The following IARS2 variants were observed in gnomAD, a reference collection of about 807,000 sequenced individuals.
The protein encoded by IARS2 is isoleucine--tRNA ligase, mitochondrial.
Under a neutral mutation model 126.3 loss-of-function variants are expected in IARS2, and 56 were observed. The observed-to-expected ratio is 0.44, with a 90% CI of 0.36 to 0.55. IARS2 has a LOEUF of 0.55. Among genes scored for constraint, IARS2 ranks in the 20% least tolerant of loss-of-function variants. The probability of loss-of-function intolerance (pLI) is 0.00; values close to 1 mark genes in which losing one functional copy is unlikely to be tolerated. For synonymous variants in IARS2, 407 were observed against 441.1 expected (o/e 0.92, Z 0.97); for missense variants, 1,127 against 1,245.9 (o/e 0.90, Z 1.44).
Position 220,148,038 on chromosome 1 carries a change from A to G in IARS2, c.*403A>G. The stretch of plus-strand genomic sequence containing the variant: ...ACTGAAAATAAAGGCATTCTGGAAA[A>G]ATACTGACTGATTTTGGTGCAGAAG... On this transcript the variant is annotated 3_prime_UTR_variant, in exon 23 of 23. Transcript: ENST00000366922. 1 of 370,104 alleles carries G rather than the reference A, an allele frequency of 2.7e-6. No individual in the cohort carries two copies. The highest frequency in any genetic ancestry group is 1.5e-4 in the South Asian group (1 of 6,810). The allele number at this position is 370,104 out of a possible 1,614,324, so 22.9% of individuals were successfully genotyped here.
intron 14 of IARS2, among the ~76,000 whole-genome samples, chr1:220,129,979 T>A (rs1375057971): frequency 6.6e-6 from 1 of 152,212 alleles, no homozygotes; most frequent in Non-Finnish European, 1.5e-5. Context: ...CCACCAACAG[T>A]GTATAATAGT....
intron 2 of IARS2, among the ~76,000 whole-genome samples, chr1:220,098,654 A>C (rs1484204049): frequency 6.6e-6 from 1 of 152,208 alleles, no homozygotes; most frequent in Non-Finnish European, 1.5e-5. Context: ...CAATGCATGA[A>C]TATTAGAAAA....
rs781418667 is a variant in IARS2, at chr1:220,147,488, T to A, written c.2897-5T>A. 23 of 1,613,728 alleles carry A rather than the reference T, an allele frequency of 1.4e-5. No homozygotes were observed. Among genetic ancestry groups the A allele is most frequent in the Non-Finnish European group, 1.9e-5 (22 of 1,179,736 alleles). On this transcript the variant is annotated splice_region_variant and splice_polypyrimidine_tract_variant and intron_variant, in intron 22 of 22. Transcript: ENST00000366922. ...CAGAAATACTCTTCATGTATTTTTT[T>A]ATAGGTGGTGATATTCGTGAAGAGT...
chr1:220,134,575 A>G, intron 15 of IARS2, 65 bp downstream of exon 15: 7 of 913,558 alleles, frequency 7.7e-6, no homozygotes, highest in East Asian at 2.7e-5. Flanking sequence ...TATGCTGAGT[A>G]CTACAGAGAT....
Position 220,106,013 on chromosome 1 carries a change from C to T in IARS2, c.1189C>T (p.His397Tyr). ...GGGATTGGTTCACACAGCCCCAGCT[C>T]ATGGTATGGAAGACTACGGTGTAGC... ...GTGLVHTAPAHGMEDYGVASQ... is the reference protein window; with the variant it reads ...GTGLVHTAPAYGMEDYGVASQ... The change falls in exon 9 of 23, where the codon CAT becomes TAT. Residue 397 changes from histidine to tyrosine, a missense_variant. Coordinates refer to ENST00000366922, the MANE Select transcript of IARS2 (RefSeq NM_018060.4). 3.7e-6 allele frequency: 6 copies of T among 1,614,152 alleles called. No individual in the cohort carries two copies. Among genetic ancestry groups the T allele is most frequent in the Non-Finnish European group, 5.1e-6 (6 of 1,180,004 alleles).
At chr1:220,126,726 C>G in intron 13 of IARS2, 24 bp from the exon 14 acceptor site, 2 of 1,553,366 alleles carry the variant, frequency 1.3e-6, no homozygotes, top group Non-Finnish European at 8.9e-7. Flanking sequence ...GTGTACCTGA[C>G]ATGCTTTTGC....
At chr1:220,108,856 C>CTT (rs35836043) in intron 10 of IARS2, among the ~76,000 whole-genome samples, 8,936 of 68,206 alleles carry the variant, frequency 0.13, 1,441 homozygotes, top group East Asian at 0.16. Flanking sequence ...TGTGAATCCT[C>CTT]TTTTTTTTTT....
At chr1:220,140,388 A>T in intron 19 of IARS2, 99 bp downstream of exon 19, 1 of 706,842 alleles carries the variant, frequency 1.4e-6, no homozygotes, top group East Asian at 2.7e-5. Context: ...GGTGGATGAC[A>T]TGAGGCCAGG....
At chr1:220,095,186 G>A (rs1485639734) in intron 1 of IARS2, among the ~76,000 whole-genome samples, 2 of 152,068 alleles carry the variant, frequency 1.3e-5, no homozygotes, top group African/African-American at 2.4e-5. Flanking sequence ...TTACAGGTGC[G>A]CACCACCACG....
At chr1:220,124,837 T>C (rs1657120406) in intron 12 of IARS2, among the ~76,000 whole-genome samples, 1 of 152,214 alleles carries the variant, frequency 6.6e-6, no homozygotes, top group Non-Finnish European at 1.5e-5. Context: ...CTCAGACCAT[T>C]GATTGCATCA....
chr1:220,130,779 G>T (rs58966246), intron 14 of IARS2, among the ~76,000 whole-genome samples: 1 of 152,100 alleles, frequency 6.6e-6, no homozygotes, highest in Non-Finnish European at 1.5e-5. Flanking sequence ...GGATGGGGTA[G>T]GGGTTTATTT....
At chr1:220,098,611 G>T (rs537097988) in intron 2 of IARS2, among the ~76,000 whole-genome samples, 2 of 151,672 alleles carry the variant, frequency 1.3e-5, no homozygotes, top group African/African-American at 4.8e-5. Flanking sequence ...TTGACATACA[G>T]TAGGCATTCA....
chr1:220,140,202 A>G lies in IARS2; in HGVS notation c.2327A>G (p.Gln776Arg). 6.2e-7 allele frequency: 1 copy of G among 1,610,902 alleles called. No homozygotes were observed. The highest frequency in any genetic ancestry group is 1.7e-4 in the Middle Eastern group (1 of 6,058). ...LANKITELYKQYDFGKVVRLL... is the reference protein window; with the variant it reads ...LANKITELYKRYDFGKVVRLL... ...CCCTAGATTACCGAATTATACAAAC[A>G]ATATGATTTTGGAAAAGTTGTTCGG... Residue 776 changes from glutamine (Q) to arginine (R), a missense_variant, in exon 19 of 23, where the codon CAA (glutamine) becomes CGA (arginine). Physicochemically the swap from Gln to Arg is conservative, Grantham distance 43. Coordinates refer to ENST00000366922, the MANE Select transcript of IARS2 (RefSeq NM_018060.4).
At chr1:220,096,470 T>C (rs548701340) in intron 2 of IARS2, among the ~76,000 whole-genome samples, 184 of 152,308 alleles carry the variant, frequency 1.2e-3, no homozygotes, top group Non-Finnish European at 7.9e-4. Context: ...GGCGAGGCAT[T>C]GTTCTAGAAT....
At chr1:220,126,231 C>T (rs968273715) in intron 13 of IARS2, among the ~76,000 whole-genome samples, 33 of 152,162 alleles carry the variant, frequency 2.2e-4, no homozygotes, top group African/African-American at 7.7e-4. Flanking sequence ...GCCGAGATCG[C>T]GCCATTGCAC....
chr1:220,124,264 T>C (rs536545315), intron 12 of IARS2, among the ~76,000 whole-genome samples: 14 of 152,372 alleles, frequency 9.2e-5, no homozygotes, highest in African/African-American at 3.4e-4. Flanking sequence ...TCCCTGAGTT[T>C]AATTTTTAAA....
chr1:220,127,730 G>C (rs1189835333), intron 14 of IARS2, among the ~76,000 whole-genome samples: 1 of 152,086 alleles, frequency 6.6e-6, no homozygotes, highest in African/African-American at 2.4e-5. Context: ...CTAGTAGGTG[G>C]ATCTATTTCC....
Position 220,106,025 on chromosome 1 carries a change from G to T in IARS2, c.1201G>T (p.Asp401Tyr). Residue 401 changes from aspartate (D) to tyrosine (Y), a missense_variant, in exon 9 of 23, where the codon GAC becomes TAC. Physicochemically the swap from Asp to Tyr is radical, Grantham distance 160. Coordinates refer to ENST00000366922, the MANE Select transcript of IARS2 (RefSeq NM_018060.4). ...VHTAPAHGME[D>Y]YGVASQHNLP... ...CACAGCCCCAGCTCATGGTATGGAA[G>T]ACTACGGTGTAGCGTCTCAGCACAA... 6.2e-7 allele frequency: 1 copy of T among 1,614,134 alleles called. No homozygotes were observed.
intron 14 of IARS2, among the ~76,000 whole-genome samples, chr1:220,128,621 G>T (rs570496659): frequency 1.3e-5 from 2 of 152,276 alleles, no homozygotes; most frequent in African/African-American, 4.8e-5. Flanking sequence ...AAGGTAGTAG[G>T]AAGAAGAGTT....
Sources: gnomAD v4.1 joint callset for allele counts (sites outside exome capture counted in the v4.1 genomes callset) on GRCh38, gnomAD v4.1.1 for gene constraint, MANE v1.5 for transcripts, NCBI Gene and HGNC (gene_info 2026-07-23, HGNC 2026-07-21) for gene names.